The following PKHD1L1 variants were observed in gnomAD, a reference collection of about 807,000 sequenced individuals.
PKHD1L1 encodes the protein fibrocystin-L.
Under a neutral mutation model 462.9 loss-of-function variants are expected in PKHD1L1, and 434 were observed. The observed-to-expected ratio is 0.94, with a 90% CI of 0.87 to 1.02. The LOEUF (loss-of-function observed/expected upper bound fraction) is 1.02. Among genes scored for constraint, PKHD1L1 ranks in the 50% least tolerant of loss-of-function variants. PKHD1L1 has a pLI of 0.00. For missense variants in PKHD1L1, 5,202 were observed against 5,096.1 expected (o/e 1.02, Z -0.63); for synonymous variants, 1,781 against 1,750.0 (o/e 1.02, Z -0.44).
intron 71 of PKHD1L1, among the ~76,000 whole-genome samples, chr8:109,513,102 A>G (rs1461104884): frequency 6.6e-6 from 1 of 151,286 alleles, no homozygotes; most frequent in East Asian, 1.9e-4. Context: ...TTGGGCTGAG[A>G]CAATGGGGTT....
chr8:109,447,207 A>T (rs542198869), intron 38 of PKHD1L1, among the ~76,000 whole-genome samples: 61 of 152,342 alleles, frequency 4.0e-4, no homozygotes, highest in Admixed American at 2.7e-3. Flanking sequence ...TGGGCGACAG[A>T]GCGAGACTCC....
chr8:109,498,824 G>A (rs1819259850), intron 67 of PKHD1L1, 53 bp downstream of exon 67: 17 of 1,401,372 alleles, frequency 1.2e-5, no homozygotes, highest in East Asian at 2.4e-5. Context: ...TAAAGAATAT[G>A]TAGAGGATAA....
intron 6 of PKHD1L1, among the ~76,000 whole-genome samples, chr8:109,387,622 G>C (rs190826912): frequency 1.3e-5 from 2 of 152,312 alleles, no homozygotes; most frequent in East Asian, 3.9e-4. Context: ...TAAGGCAGGA[G>C]GTTAGGAGAA....
At position 109,438,358 on chromosome 8, in the gene PKHD1L1, C is replaced by T. The variant is rs1450271613; in HGVS notation, c.3662C>T (p.Thr1221Ile). The T allele has an allele frequency of 1.3e-6, 2 of 1,536,184 alleles. No homozygotes were observed. Among genetic ancestry groups the T allele is most frequent in the Admixed American group, 4.0e-5 (2 of 50,334 alleles). The change falls in exon 31 of 78, where the codon ACC (threonine) becomes ATC (isoleucine). Residue 1221 changes from threonine to isoleucine, a missense_variant. Physicochemically the swap from Thr to Ile is moderately conservative, Grantham distance 89. This residue lies in a region of PKHD1L1 where 4,497 missense variants were observed against 4,336.8 expected (regional missense o/e 1.04). Coordinates refer to ENST00000378402, the MANE Select transcript of PKHD1L1 (RefSeq NM_177531.6). The stretch of plus-strand genomic sequence containing the variant: ...GGTACAGTTGATATTTCAGTTACTA[C>T]CAATGGATTTCAAGCCACAGCAAGG... ...TEGTVDISVT[T>I]NGFQATARDA... is the part of the protein sequence containing the mutation.
In PKHD1L1 at chr8:109,425,145, T is replaced by C; in HGVS notation, c.2758T>C (p.Ser920Pro). 1 of 1,610,046 alleles carries C rather than the reference T, an allele frequency of 6.2e-7. No individual in the cohort carries two copies. Among genetic ancestry groups the C allele is most frequent in the Non-Finnish European group, 8.5e-7 (1 of 1,178,248 alleles). Residue 920 changes from serine to proline, a missense_variant, in exon 24 of 78, where the codon TCA (serine) becomes CCA (proline). This residue lies in a region of PKHD1L1 where 4,497 missense variants were observed against 4,336.8 expected (regional missense o/e 1.04). Transcript: ENST00000378402. ...VYRGNNWPGE[S>P]KIHIQRIQAA... is the part of the protein sequence containing the mutation. ...CAGAGGAAATAATTGGCCAGGCGAG[T>C]CAAAAATTCATATTCAAAGAATTCA...
chr8:109,391,762 G>A (rs142154822), intron 9 of PKHD1L1, among the ~76,000 whole-genome samples: 1 of 152,152 alleles, frequency 6.6e-6, no homozygotes, highest in Non-Finnish European at 1.5e-5. Context: ...ATTCCTAGTA[G>A]CACTCACAGA....
At chr8:109,470,266 G>GA (rs760775849) in intron 50 of PKHD1L1, 2 of 1,429,874 alleles carry the variant, frequency 1.4e-6, no homozygotes, top group Non-Finnish European at 2.0e-6. Flanking sequence ...CAAATACTGT[G>GA]ATCTGGAGTG....
chr8:109,477,353 C>T lies in PKHD1L1; in HGVS notation c.9046C>T (p.Pro3016Ser). Residue 3016 changes from proline (P) to serine (S), a missense_variant, in exon 53 of 78, where the codon CCA becomes TCA. By Grantham distance (74) the Pro-to-Ser change is moderately conservative (BLOSUM62 -1). Coordinates refer to ENST00000378402, the MANE Select transcript of PKHD1L1 (RefSeq NM_177531.6). The stretch of plus-strand genomic sequence containing the variant: ...CCAGGATTGCTTTCCTGTACATCCG[C>T]CATCAAGAAAACCAATTCCCAAGAA... ...ILQDCFPVHP[P>S]SRKPIPKKRP... is the part of the protein sequence containing the mutation. 3 of 1,613,332 alleles carry T rather than the reference C, an allele frequency of 1.9e-6. No individual in the cohort carries two copies. Among genetic ancestry groups the T allele is most frequent in the Non-Finnish European group, 2.5e-6 (3 of 1,179,592 alleles).
Position 109,491,907 on chromosome 8 carries a change from A to AATGCCAACCGAGTCCGT in PKHD1L1, c.10149_10150insATGCCAACCGAGTCCGT (p.Gly3384MetfsTer9), listed in dbSNP as rs1818848377. On this transcript the variant is annotated frameshift_variant, in exon 62 of 78. Coordinates refer to ENST00000378402, the MANE Select transcript of PKHD1L1 (RefSeq NM_177531.6). LOFTEE classifies it high-confidence loss of function. ...TATGGGGGAATGCCAACCGAGTCCG[A>AATGCCAACCGAGTCCGT]GGGAATTTGATTGCACTTTCGGTTT... The AATGCCAACCGAGTCCGT allele has an allele frequency of 1.2e-6, 2 of 1,604,616 alleles. No homozygotes were observed. Among genetic ancestry groups the AATGCCAACCGAGTCCGT allele is most frequent in the South Asian group, 2.2e-5 (2 of 90,248 alleles).
chr8:109,470,332 T>C (rs1376209818), intron 50 of PKHD1L1: 3 of 1,514,594 alleles, frequency 2.0e-6, no homozygotes, highest in African/African-American at 1.4e-5. Flanking sequence ...TAACTTAGTT[T>C]GGAGAGAGAG....
intron 4 of PKHD1L1, among the ~76,000 whole-genome samples, chr8:109,383,232 TA>T (rs36050121): frequency 0.14 from 12,568 of 92,464 alleles, 989 homozygotes; most frequent in Non-Finnish European, 0.19. Context: ...ATATTATATA[TA>T]GTTATATATA....
intron 44 of PKHD1L1, 126 bp from the exon 45 acceptor site, chr8:109,454,596 GA>G (rs1252949517): frequency 7.5e-7 from 1 of 1,339,298 alleles, no homozygotes. Flanking sequence ...TCAAAAGAAA[GA>G]TATGAACAAC....
At chr8:109,478,113 G>T (rs1424912774) in intron 53 of PKHD1L1, among the ~76,000 whole-genome samples, 2 of 152,104 alleles carry the variant, frequency 1.3e-5, no homozygotes, top group African/African-American at 2.4e-5. Context: ...CTAACATTTA[G>T]TGGGCACTGA....
At chr8:109,483,173 C>A in intron 57 of PKHD1L1, 68 bp downstream of exon 57, 2 of 1,109,986 alleles carry the variant, frequency 1.8e-6, no homozygotes, top group Non-Finnish European at 2.5e-6. Context: ...AGTTTCTATT[C>A]TACTCTCATG....
Position 109,451,299 on chromosome 8 carries a change from A to T in PKHD1L1, c.6350+150A>T, listed in dbSNP as rs921424473. On this transcript the variant is annotated intron_variant, in intron 41 of 77. Coordinates refer to ENST00000378402, the MANE Select transcript of PKHD1L1 (RefSeq NM_177531.6). ...TTAAGCTTAAGGCAAAAATAGTACT[A>T]ATTGCTAACATTTATTGAGTATTTA... is the stretch of plus-strand genomic sequence containing the variant. The T allele has an allele frequency of 1.8e-5, 15 of 813,536 alleles. 1 individual carries two copies. The Admixed American group carries it at 5.1e-4, about 28-fold the overall frequency. The allele number at this position is 813,536 out of a possible 1,614,324, so 50.4% of individuals were successfully genotyped here.
intron 18 of PKHD1L1, among the ~76,000 whole-genome samples, chr8:109,409,074 A>G (rs1299280238): frequency 6.6e-6 from 1 of 152,236 alleles, no homozygotes; most frequent in African/African-American, 2.4e-5. Context: ...TTTGCAGATT[A>G]AAGAGTATAT....
At chr8:109,412,616 G>A (rs1403000761) in intron 20 of PKHD1L1, among the ~76,000 whole-genome samples, 1 of 151,712 alleles carries the variant, frequency 6.6e-6, no homozygotes, top group African/African-American at 2.4e-5. Context: ...ATATATATAT[G>A]TATATAGCAC....
chr8:109,416,406 T>A (rs565592578), intron 21 of PKHD1L1, among the ~76,000 whole-genome samples: 1 of 152,354 alleles, frequency 6.6e-6, no homozygotes, highest in South Asian at 2.1e-4. Context: ...ATGCTGTGGA[T>A]GGTGTTTGCA....
intron 59 of PKHD1L1, among the ~76,000 whole-genome samples, chr8:109,488,760 G>C (rs926680477): frequency 4.6e-5 from 7 of 151,970 alleles, no homozygotes; most frequent in African/African-American, 1.7e-4. Context: ...TGCTGCTGCT[G>C]ATAATGATGG....
Sources: gnomAD v4.1 joint callset for allele counts (sites outside exome capture counted in the v4.1 genomes callset) on GRCh38, gnomAD v4.1.1 for gene constraint, gnomAD v4.1.1 regional missense constraint, MANE v1.5 for transcripts, NCBI Gene and HGNC (gene_info 2026-07-23, HGNC 2026-07-21) for gene names.